ATP10B: variants seen among roughly 807,000 people sequenced by gnomAD.
ATP10B encodes phospholipid-transporting ATPase VB.
A neutral mutation model predicts 141.2 loss-of-function variants in ATP10B; 122 were observed. That is an observed-to-expected ratio of 0.86 (90% confidence interval 0.75 to 1.00). ATP10B has a LOEUF of 1.00. ATP10B is among the 50% of genes least tolerant of loss of function. The pLI is 0.00. For synonymous variants in ATP10B, 685 were observed against 692.0 expected, an observed-to-expected ratio of 0.99 and a Z score of 0.16; for missense variants, 1,876 against 1,825.3, an observed-to-expected ratio of 1.03 and a Z score of -0.51.
intron 22 of ATP10B, among the ~76,000 whole-genome samples, chr5:160,595,058 A>G (rs985143887): frequency 6.0e-5 from 7 of 117,498 alleles, no homozygotes; most frequent in Admixed American, 8.6e-5. Context: ...AGACATCTAC[A>G]GGTCTCTCCA....
chr5:160,820,386 T>C (rs773154911), intron 1 of ATP10B, among the ~76,000 whole-genome samples: 1 of 151,870 alleles, frequency 6.6e-6, no homozygotes, highest in Non-Finnish European at 1.5e-5. Flanking sequence ...ATTGAAGCAT[T>C]AATGCAAAGT....
intron 2 of ATP10B, among the ~76,000 whole-genome samples, chr5:160,739,702 C>T (rs1767341560): frequency 6.6e-6 from 1 of 152,224 alleles, no homozygotes; most frequent in South Asian, 2.1e-4. Context: ...ATGATTCCTT[C>T]AATCCCCAAG....
At chr5:160,616,091 C>T in intron 16 of ATP10B, 127 bp from the exon 17 acceptor site, 1 of 950,848 alleles carries the variant, frequency 1.1e-6, no homozygotes, top group South Asian at 2.5e-5. Context: ...ATGGGGCTTT[C>T]TTCTCAAAGA....
At chr5:160,576,482 C>A (rs1385334871) in intron 24 of ATP10B, among the ~76,000 whole-genome samples, 2 of 152,060 alleles carry the variant, frequency 1.3e-5, no homozygotes, top group Non-Finnish European at 2.9e-5. Flanking sequence ...TAATCAGGGC[C>A]AGAAGTTAGG....
chr5:160,792,915 T>C (rs1771687957), intron 1 of ATP10B, among the ~76,000 whole-genome samples: 2 of 152,132 alleles, frequency 1.3e-5, no homozygotes, highest in Non-Finnish European at 2.9e-5. Context: ...AACACACACA[T>C]GCCATGCTCT....
chr5:160,588,228 C>T (rs1324017690), intron 24 of ATP10B, among the ~76,000 whole-genome samples: 1 of 152,170 alleles, frequency 6.6e-6, no homozygotes, highest in African/African-American at 2.4e-5. Flanking sequence ...TTTGAATACC[C>T]TTTATTTCTT....
intron 12 of ATP10B, chr5:160,633,513 T>C (rs1353096892): frequency 6.6e-6 from 1 of 151,818 alleles, no homozygotes; most frequent in African/African-American, 2.4e-5. Flanking sequence ...TGAGAACACA[T>C]GGACATGGAG....
chr5:160,927,060 A>C, the ATP10B span, among the ~76,000 whole-genome samples: 2 of 152,338 alleles, frequency 1.3e-5, no homozygotes, highest in Admixed American at 1.3e-4. Flanking sequence ...ATTCCATTTT[A>C]CAGAGGGAAC....
chr5:160,834,633 G>A (rs961918969), intron 1 of ATP10B, among the ~76,000 whole-genome samples: 1 of 152,078 alleles, frequency 6.6e-6, no homozygotes, highest in Non-Finnish European at 1.5e-5. Flanking sequence ...AAAATTTAAG[G>A]AAATAAAACC....
intron 10 of ATP10B, chr5:160,639,032 A>G (rs982390998): frequency 1.3e-5 from 2 of 152,332 alleles, no homozygotes; most frequent in African/African-American, 4.8e-5. Context: ...CTCTTGCCAC[A>G]TCCAACAGCC....
chr5:160,845,852 T>C (rs1180592491), intron 1 of ATP10B, among the ~76,000 whole-genome samples: 2 of 152,082 alleles, frequency 1.3e-5, no homozygotes, highest in Non-Finnish European at 2.9e-5. Flanking sequence ...ATTGTTTAAA[T>C]AAAAAACATT....
At chr5:160,887,217 A>C in the ATP10B span, among the ~76,000 whole-genome samples, 4 of 152,222 alleles carry the variant, frequency 2.6e-5, no homozygotes, top group Non-Finnish European at 5.9e-5. Context: ...CAAGTCCTTG[A>C]TATAAAATGG....
the ATP10B span, among the ~76,000 whole-genome samples, chr5:160,914,951 A>C: frequency 2.0e-5 from 3 of 152,184 alleles, no homozygotes; most frequent in African/African-American, 7.2e-5. Flanking sequence ...TAAAGCCTGG[A>C]AGAAGGTTCA....
rs199886982 is a variant in ATP10B, at chr5:160,565,752, G to A, written c.4087C>T (p.Arg1363Ter). 8.7e-6 allele frequency: 14 copies of A among 1,614,060 alleles called. No homozygotes were observed. The highest frequency in any genetic ancestry group is 2.2e-5 in the South Asian group (2 of 91,078). Residue 1363 changes from arginine (R) to a stop codon, truncating the protein, a stop_gained, in exon 26 of 26, where the codon CGA becomes TGA. Transcript: ENST00000327245. LOFTEE classifies it low-confidence loss of function (END_TRUNC). ...GATGACACTGGGTGGTGAGTTGGTC[G>A]AGCCACTTCGGGGACAGGGGCAGGC... ...QRPAPVPEVA[R>*]PTHHPVSSIT...
At chr5:160,597,056 T>C (rs1756746967) in intron 22 of ATP10B, among the ~76,000 whole-genome samples, 2 of 152,188 alleles carry the variant, frequency 1.3e-5, no homozygotes, top group African/African-American at 4.8e-5. Flanking sequence ...TTCAAGTTCA[T>C]ATGGAGCCAA....
rs149037425 is a variant in ATP10B, at chr5:160,624,299, G to T, written c.1621-1714C>A. On this transcript the variant is annotated intron_variant, in intron 13 of 25. Transcript: ENST00000327245. ...GTCTGATTCTGTCCTCCCTAGGGCT[G>T]CTGGCACAGGAGAGCCAGAGGGGAG... Among the ~76,000 whole-genome samples the T allele has an allele frequency of 1.2e-4, 19 of 152,326 alleles. No individual in the cohort carries two copies. The East Asian group carries it at 3.7e-3, about 29-fold the overall frequency.
rs1013636667 is a variant in ATP10B at position 160,808,972 on chromosome 5, T to C, written c.-575-23169A>G. Among the ~76,000 whole-genome samples, 8 of 152,226 alleles carry C rather than the reference T, an allele frequency of 5.3e-5. No individual in the cohort carries two copies. In the South Asian group the frequency reaches 1.7e-3, roughly 31 times the overall value. ...CTGGTGGTTTGCTGGCAGTCTCTAG[T>C]ATTCCTTGGCTTGTGGAAGCATCAC... On this transcript the variant is annotated intron_variant, in intron 1 of 25. Coordinates refer to ENST00000327245, the MANE Select transcript of ATP10B (RefSeq NM_025153.3).
In ATP10B at chr5:160,565,639, T is replaced by C. The variant is rs771088389; in HGVS notation, c.4200A>G (p.Glu1400=). 4 of 1,614,128 alleles carry C rather than the reference T, an allele frequency of 2.5e-6. No individual in the cohort carries two copies. The East Asian group carries it at 8.9e-5, about 36-fold the overall frequency. Residue 1400 remains glutamate, a synonymous_variant, in exon 26 of 26, where the codon GAA becomes GAG. Coordinates refer to ENST00000327245, the MANE Select transcript of ATP10B (RefSeq NM_025153.3). ...TCATGCACTCCGTGCCACATCTCTG[T>C]TCGTGGAGTACTGACTCTTCCACAT... ...RKHVEESVLH[E]QRCGTECMRD...
intron 3 of ATP10B, among the ~76,000 whole-genome samples, chr5:160,699,335 C>A (rs1764551101): frequency 6.6e-6 from 1 of 152,134 alleles, no homozygotes; most frequent in Admixed American, 6.5e-5. Flanking sequence ...TAAGTTGGAT[C>A]TAATTAAAAG....
Sources: gnomAD v4.1 joint callset for allele counts (sites outside exome capture counted in the v4.1 genomes callset) on GRCh38, gnomAD v4.1.1 for gene constraint, MANE v1.5 for transcripts, NCBI Gene and HGNC (gene_info 2026-07-23, HGNC 2026-07-21) for gene names.